TMEM117: variants seen among roughly 807,000 people sequenced by gnomAD.
The protein encoded by TMEM117 is transmembrane protein 117.
A neutral mutation model predicts 52.4 loss-of-function variants in TMEM117; 27 were observed. The ratio of observed to expected loss-of-function variants is 0.51; its 90% CI spans 0.38 to 0.71. TMEM117 has a LOEUF of 0.71. TMEM117 is among the 30% of genes least tolerant of loss of function. The pLI is 0.00. For missense variants in TMEM117, 556 were observed against 630.5 expected (o/e 0.88, Z 1.26); for synonymous variants, 215 against 206.3 (o/e 1.04, Z -0.36).
intron 1 of TMEM117, among the ~76,000 whole-genome samples, chr12:43,838,650 C>G (rs1943070992): frequency 6.9e-6 from 1 of 143,938 alleles, no homozygotes; most frequent in Admixed American, 7.4e-5. Flanking sequence ...CTACTAGATT[C>G]AAGTCATCAC....
chr12:44,168,976 A>G (rs931656743), intron 4 of TMEM117, among the ~76,000 whole-genome samples: 2 of 152,090 alleles, frequency 1.3e-5, no homozygotes, highest in South Asian at 2.1e-4. Context: ...TTTTGTGTTG[A>G]CTCATGTTAC....
intron 1 of TMEM117, among the ~76,000 whole-genome samples, chr12:43,838,861 A>G (rs1449585839): frequency 1.3e-5 from 2 of 152,022 alleles, no homozygotes; most frequent in Admixed American, 6.6e-5. Context: ...AATGGCAGGT[A>G]TCAGGAATAA....
chr12:44,027,967 A>T (rs1481781903), intron 3 of TMEM117, among the ~76,000 whole-genome samples: 1 of 152,150 alleles, frequency 6.6e-6, no homozygotes, highest in Non-Finnish European at 1.5e-5. Context: ...GCACTTAGGG[A>T]GGCCGAGGTG....
At chr12:44,087,616 C>T (rs1222234059) in intron 3 of TMEM117, among the ~76,000 whole-genome samples, 2 of 152,012 alleles carry the variant, frequency 1.3e-5, no homozygotes, top group Non-Finnish European at 1.5e-5. Context: ...AGGTGTGTGC[C>T]CCCACGCCCG....
chr12:43,814,233 G>A, the TMEM117 span, among the ~76,000 whole-genome samples: 3 of 152,038 alleles, frequency 2.0e-5, no homozygotes, highest in Non-Finnish European at 2.9e-5. Context: ...TCACTTCCAC[G>A]ACTGCCTACT....
the TMEM117 span, chr12:43,800,405 A>G: frequency 1.3e-6 from 2 of 1,538,686 alleles, no homozygotes; most frequent in African/African-American, 1.4e-5. Flanking sequence ...TTTAATTGCA[A>G]CATATAGAAT....
chr12:43,905,741 A>G (rs1165933195), intron 2 of TMEM117, among the ~76,000 whole-genome samples: 2 of 152,160 alleles, frequency 1.3e-5, no homozygotes, highest in Non-Finnish European at 2.9e-5. Flanking sequence ...TGGATGTGGC[A>G]TATCTTTATA....
chr12:43,842,457 G>A (rs1410348434), intron 1 of TMEM117, among the ~76,000 whole-genome samples: 3 of 85,506 alleles, frequency 3.5e-5, no homozygotes, highest in Non-Finnish European at 6.2e-5. Context: ...TATTGCCAAT[G>A]TTTATATTGC....
chr12:43,997,627 A>T (rs1001092521), intron 3 of TMEM117, among the ~76,000 whole-genome samples: 12 of 152,098 alleles, frequency 7.9e-5, no homozygotes, highest in Non-Finnish European at 1.0e-4. Context: ...GTAATTTCTT[A>T]TTTTCATTAT....
the TMEM117 span, among the ~76,000 whole-genome samples, chr12:43,813,526 C>G: frequency 6.6e-6 from 1 of 151,812 alleles, no homozygotes; most frequent in South Asian, 2.1e-4. Context: ...CACACCTGGC[C>G]CTGAACTGGT....
intron 7 of TMEM117, among the ~76,000 whole-genome samples, chr12:44,383,828 C>G (rs1180832771): frequency 6.6e-6 from 1 of 152,056 alleles, no homozygotes; most frequent in Non-Finnish European, 1.5e-5. Context: ...TTATGGTAAA[C>G]ACTGTTTCTC....
At chr12:43,971,412 C>T (rs1337319583) in intron 3 of TMEM117, among the ~76,000 whole-genome samples, 1 of 152,202 alleles carries the variant, frequency 6.6e-6, no homozygotes, top group African/African-American at 2.4e-5. Context: ...CATTATTCTG[C>T]TCTTTTGTAA....
At chr12:43,859,601 G>C (rs1296088306) in intron 2 of TMEM117, among the ~76,000 whole-genome samples, 1 of 152,126 alleles carries the variant, frequency 6.6e-6, no homozygotes, top group Admixed American at 6.5e-5. Flanking sequence ...ATGCATGCAG[G>C]CTTAGTTGGC....
intron 4 of TMEM117, among the ~76,000 whole-genome samples, chr12:44,176,137 A>T (rs1447102769): frequency 6.6e-6 from 1 of 152,234 alleles, no homozygotes; most frequent in East Asian, 1.9e-4. Flanking sequence ...CTTCTCAAAC[A>T]TTATTACTAA....
At chr12:44,315,166 GTCTA>G (rs140503218) in intron 6 of TMEM117, among the ~76,000 whole-genome samples, 4,279 of 152,224 alleles carry the variant, frequency 0.028, 97 homozygotes, top group African/African-American at 0.055. Context: ...CTAGCTAGCA[GTCTA>G]TCTGTCTTGT....
At chr12:44,003,474 C>T (rs566251045) in intron 3 of TMEM117, among the ~76,000 whole-genome samples, 1 of 152,212 alleles carries the variant, frequency 6.6e-6, no homozygotes, top group Non-Finnish European at 1.5e-5. Flanking sequence ...TCTGCTCTCA[C>T]AGACCCTTTC....
At position 43,951,948 on chromosome 12, in the gene TMEM117, C is replaced by T. The variant is rs183669920; in HGVS notation, c.410+7606C>T. ...GAACCTTTCAGAGGAAGGAGCAGGC[C>T]GCAATCTTTGCTGTTCTGCAGCCTC... On this transcript the variant is annotated intron_variant, in intron 3 of 7. Coordinates refer to ENST00000266534, the MANE Select transcript of TMEM117 (RefSeq NM_032256.3). 1.6e-3 allele frequency among the ~76,000 whole-genome samples: 247 copies of T among 152,252 alleles called. 3 individuals carry two copies. The highest frequency in any genetic ancestry group is 9.0e-3 in the Admixed American group (137 of 15,284).
intron 4 of TMEM117, among the ~76,000 whole-genome samples, chr12:44,156,623 A>C (rs1282483657): frequency 6.6e-6 from 1 of 152,094 alleles, no homozygotes; most frequent in African/African-American, 2.4e-5. Flanking sequence ...GGTTCCAGGA[A>C]GTTTGGCATG....
At chr12:43,845,135 G>A (rs1166952915) in intron 2 of TMEM117, among the ~76,000 whole-genome samples, 1 of 151,928 alleles carries the variant, frequency 6.6e-6, no homozygotes, top group Non-Finnish European at 1.5e-5. Flanking sequence ...AAATTAGCAC[G>A]AGGTAAAATT....
Sources: allele counts gnomAD v4.1 joint callset (sites outside exome capture counted in the v4.1 genomes callset), GRCh38; gene constraint gnomAD v4.1.1; transcripts MANE v1.5; gene names NCBI Gene and HGNC (gene_info 2026-07-23, HGNC 2026-07-21).